Variants in LEMD1 observed in about 807,000 individuals in gnomAD.
The protein encoded by LEMD1 is LEM domain containing 1, also known as LEM domain-containing protein 1.
Under a neutral mutation model 17.4 loss-of-function variants are expected in LEMD1, and 18 were observed. The observed-to-expected ratio is 1.04, with a 90% CI of 0.72 to 1.54. The LOEUF is 1.54. LEMD1 is among the 40% of genes most tolerant of loss of function. The probability of loss-of-function intolerance (pLI) is 0.00; values close to 1 mark genes in which losing one functional copy is unlikely to be tolerated. For synonymous variants in LEMD1, 88 were observed against 77.8 expected (o/e 1.13, Z -0.69); for missense variants, 195 against 210.4 (o/e 0.93, Z 0.45).
intron 4 of LEMD1, among the ~76,000 whole-genome samples, chr1:205,393,569 G>T (rs1664442455): frequency 6.6e-6 from 1 of 151,842 alleles, no homozygotes; most frequent in South Asian, 2.1e-4. Flanking sequence ...CCAGCTGCTT[G>T]CAGGGCTGAG....
chr1:205,418,134 CT>C (rs1426075571), intron 3 of LEMD1, among the ~76,000 whole-genome samples: 1 of 152,160 alleles, frequency 6.6e-6, no homozygotes, highest in African/African-American at 2.4e-5. Context: ...GTCACTTGGC[CT>C]CTCTGAGCTT....
At chr1:205,414,910 T>C (rs911746678) in intron 4 of LEMD1, among the ~76,000 whole-genome samples, 1 of 152,006 alleles carries the variant, frequency 6.6e-6, no homozygotes, top group Admixed American at 6.5e-5. Context: ...ATAAGTAATG[T>C]GGGTGCAAGC....
chr1:205,394,281 GT>G (rs2102364354), intron 4 of LEMD1, among the ~76,000 whole-genome samples: 1 of 152,180 alleles, frequency 6.6e-6, no homozygotes, highest in East Asian at 1.9e-4. Flanking sequence ...TGACAAAAAT[GT>G]TTTGGAACTA....
upstream of LEMD1, among the ~76,000 whole-genome samples, chr1:205,425,983 GA>G (rs1486208780): frequency 7.9e-5 from 12 of 152,224 alleles, no homozygotes; most frequent in East Asian, 2.1e-3. Context: ...AGCTACCATG[GA>G]GGGGTGGGGG....
chr1:205,384,270 G>T lies in LEMD1; in HGVS notation c.347+18C>A. On this transcript the variant is annotated intron_variant, in intron 5 of 5. Transcript: ENST00000367153. Reference sequence around the variant, plus strand: ...TACAATAATATCAATTTCCACATATGCTAAAAAACATCATTACCTTCTTCC... The same window carrying T: ...TACAATAATATCAATTTCCACATATTCTAAAAAACATCATTACCTTCTTCC... 2 of 1,413,940 alleles carry T rather than the reference G, an allele frequency of 1.4e-6. No individual in the cohort carries two copies. Among genetic ancestry groups the T allele is most frequent in the Non-Finnish European group, 1.9e-6 (2 of 1,060,040 alleles). The allele number at this position is 1,413,940 out of a possible 1,614,324, so 87.6% of individuals were successfully genotyped here. A position where few individuals can be genotyped will look rare whatever the true frequency, so the allele number is the denominator to read the frequency against.
intron 1 of LEMD1, among the ~76,000 whole-genome samples, chr1:205,427,074 C>A (rs1279202986): frequency 6.6e-6 from 1 of 152,020 alleles, no homozygotes; most frequent in Non-Finnish European, 1.5e-5. Flanking sequence ...GGTCATACTG[C>A]CTCTGGTTGT....
At chr1:205,444,344 T>A (rs974190300) in intron 1 of LEMD1, among the ~76,000 whole-genome samples, 1 of 151,952 alleles carries the variant, frequency 6.6e-6, no homozygotes, top group Non-Finnish European at 1.5e-5. Flanking sequence ...AGGTCCAAGA[T>A]GGTTTACGGT....
At chr1:205,440,666 G>A (rs1666278104) in intron 1 of LEMD1, 1 of 152,490 alleles carries the variant, frequency 6.6e-6, no homozygotes. Context: ...GCATGCGGCA[G>A]GTCCTGGGGT....
chr1:205,429,697 C>G (rs1336473989), intron 1 of LEMD1, among the ~76,000 whole-genome samples: 1 of 151,984 alleles, frequency 6.6e-6, no homozygotes, highest in Non-Finnish European at 1.5e-5. Flanking sequence ...GACTCCTCTA[C>G]TCTCCTTAGC....
At chr1:205,430,498 A>G (rs948307580) in intron 1 of LEMD1, among the ~76,000 whole-genome samples, 1 of 152,192 alleles carries the variant, frequency 6.6e-6, no homozygotes, top group African/African-American at 2.4e-5. Flanking sequence ...AGTCATCCAG[A>G]GGAGGTAAGA....
At chr1:205,439,028 A>G (rs1666252384) in intron 1 of LEMD1, among the ~76,000 whole-genome samples, 1 of 152,122 alleles carries the variant, frequency 6.6e-6, no homozygotes, top group Non-Finnish European at 1.5e-5. Flanking sequence ...CGGGGATACA[A>G]TTTCATCCTC....
chr1:205,445,327 A>G (rs551438338), intron 1 of LEMD1, among the ~76,000 whole-genome samples: 94 of 152,360 alleles, frequency 6.2e-4, no homozygotes, highest in African/African-American at 2.0e-3. Context: ...GTGGTGGCAC[A>G]AACTACAGAT....
At chr1:205,413,373 G>A (rs777143121) in intron 4 of LEMD1, among the ~76,000 whole-genome samples, 15 of 151,686 alleles carry the variant, frequency 9.9e-5, no homozygotes, top group East Asian at 1.9e-4. Context: ...CTGCAGCCTC[G>A]ACATCCCAAG....
upstream of LEMD1, among the ~76,000 whole-genome samples, chr1:205,424,137 G>C (rs1467292071): frequency 6.6e-6 from 1 of 152,192 alleles, no homozygotes; most frequent in Non-Finnish European, 1.5e-5. Flanking sequence ...TAGATTTGCA[G>C]TTGCAATTGC....
chr1:205,390,229 T>A (rs540896161), intron 4 of LEMD1, among the ~76,000 whole-genome samples: 1 of 151,908 alleles, frequency 6.6e-6, no homozygotes, highest in East Asian at 1.9e-4. Context: ...GTGGTGTGCA[T>A]CTGTAATCTC....
chr1:205,420,566 G>C lies in LEMD1; in HGVS notation c.-30C>G, dbSNP rs1432846194. The C allele has an allele frequency of 2.6e-6, 4 of 1,509,922 alleles. No homozygotes were observed. Among genetic ancestry groups the C allele is most frequent in the Non-Finnish European group, 3.7e-6 (4 of 1,085,720 alleles). The allele number at this position is 1,509,922 out of a possible 1,614,324, so 93.5% of individuals were successfully genotyped here. On this transcript the variant is annotated 5_prime_UTR_variant, in exon 2 of 6. Coordinates refer to ENST00000367153, the MANE Select transcript of LEMD1 (RefSeq NM_001199050.2). Reference sequence around the variant, plus strand: ...ATAGAAGTTTGGCCTCTTTTCTGATGGTAGAATCCTTGAAATAACAAAACA... The same window carrying C: ...ATAGAAGTTTGGCCTCTTTTCTGATCGTAGAATCCTTGAAATAACAAAACA...
intron 1 of LEMD1, among the ~76,000 whole-genome samples, chr1:205,434,517 T>C (rs1027799635): frequency 2.0e-5 from 3 of 152,074 alleles, no homozygotes; most frequent in African/African-American, 7.2e-5. Context: ...TAAGACTATG[T>C]GATCACATTG....
intron 5 of LEMD1, 110 bp downstream of exon 5, chr1:205,384,178 A>G (rs1244832784): frequency 1.8e-6 from 1 of 569,236 alleles, no homozygotes; most frequent in East Asian, 3.5e-5. Flanking sequence ...TCCTTTCTCA[A>G]CAGATTCTTT....
At chr1:205,407,513 C>T (rs890044259) in intron 4 of LEMD1, among the ~76,000 whole-genome samples, 21 of 152,050 alleles carry the variant, frequency 1.4e-4, no homozygotes, top group South Asian at 4.2e-4. Context: ...AGTTGGTGAA[C>T]GCATTAAGGT....
Sources: gnomAD v4.1 joint callset for allele counts (sites outside exome capture counted in the v4.1 genomes callset) on GRCh38, gnomAD v4.1.1 for gene constraint, MANE v1.5 for transcripts, NCBI Gene and HGNC (gene_info 2026-07-23, HGNC 2026-07-21) for gene names.